STK3: variants seen among roughly 807,000 people sequenced by gnomAD.
STK3 encodes serine/threonine-protein kinase 3.
A neutral mutation model predicts 58.0 loss-of-function variants in STK3; 41 were observed. The ratio of observed to expected loss-of-function variants is 0.71; its 90% confidence interval spans 0.55 to 0.92. STK3 has a LOEUF of 0.92. Ranked by LOEUF, STK3 falls within the 40% of genes least tolerant of loss-of-function variation. The pLI, the probability that STK3 is intolerant of heterozygous loss-of-function variation, is 0.00. For synonymous variants in STK3, 170 were observed against 191.0 expected (o/e 0.89, Z 0.91); for missense variants, 479 against 602.7 (o/e 0.79, Z 2.15).
intron 1 of STK3, among the ~76,000 whole-genome samples, chr8:98,776,266 A>G (rs543026630): frequency 1.2e-4 from 19 of 152,134 alleles, no homozygotes; most frequent in Admixed American, 2.0e-4. Flanking sequence ...TTAGACTAAC[A>G]AAAAGGCATG....
intron 1 of STK3, among the ~76,000 whole-genome samples, chr8:98,809,601 G>A (rs1834095391): frequency 1.3e-5 from 2 of 152,126 alleles, no homozygotes; most frequent in African/African-American, 4.8e-5. Context: ...GTCCTTTTGT[G>A]TGTACTTTGC....
Position 98,858,904 on chromosome 8 carries a change from A to G in STK3, c.110+24743T>C, listed in dbSNP as rs534486465. Among the ~76,000 whole-genome samples, 22 of 151,992 alleles carry G rather than the reference A, an allele frequency of 1.4e-4. No individual in the cohort carries two copies. In the South Asian group the frequency reaches 4.1e-3, roughly 29 times the overall value. Reference sequence around the variant, plus strand: ...AGACAGCAAGACTCCATCTAAAAAAAAAAAAAAAAAAAGCAATCTCTGCAC... The same window carrying G: ...AGACAGCAAGACTCCATCTAAAAAAGAAAAAAAAAAAAGCAATCTCTGCAC... On this transcript the variant is annotated intron_variant, in intron 3 of 12. Transcript: ENST00000523601.
intron 1 of STK3, among the ~76,000 whole-genome samples, chr8:98,915,470 A>ATATATAT (rs1839314010): frequency 2.9e-5 from 4 of 136,162 alleles, no homozygotes; most frequent in Non-Finnish European, 6.2e-5. Context: ...ATATATATAT[A>ATATATAT]GTTCTGTCCT....
At chr8:98,744,518 T>C (rs1170024507) in intron 4 of STK3, among the ~76,000 whole-genome samples, 2 of 134,872 alleles carry the variant, frequency 1.5e-5, no homozygotes, top group Non-Finnish European at 3.1e-5. Flanking sequence ...CACTCATAGG[T>C]GGGAACTGAA....
At chr8:98,841,043 C>T (rs74631275) in intron 3 of STK3, among the ~76,000 whole-genome samples, 9 of 152,158 alleles carry the variant, frequency 5.9e-5, no homozygotes, top group Non-Finnish European at 1.0e-4. Context: ...GCCATGTGGC[C>T]GTCTCTAGAG....
At chr8:98,379,337 GA>G (rs1418915309) in intron 1 of STK3, 2 of 152,180 alleles carry the variant, frequency 1.3e-5, no homozygotes, top group Non-Finnish European at 2.9e-5. Context: ...AGCACTATTT[GA>G]CCTTTACAGA....
At chr8:98,413,569 A>G (rs570323406) in intron 3 of STK3, 1 of 663,748 alleles carries the variant, frequency 1.5e-6, no homozygotes, top group South Asian at 1.4e-5. Flanking sequence ...ACAGATGACA[A>G]CTTTGTGTCT....
chr8:98,404,863 A>G (rs576585167), intron 3 of STK3, among the ~76,000 whole-genome samples: 3 of 152,224 alleles, frequency 2.0e-5, no homozygotes, highest in Non-Finnish European at 4.4e-5. Context: ...AAATAAATCA[A>G]TAAAATAAAA....
intron 1 of STK3, among the ~76,000 whole-genome samples, chr8:98,795,312 A>G (rs1265308664): frequency 6.9e-6 from 1 of 143,952 alleles, no homozygotes; most frequent in Admixed American, 7.0e-5. Context: ...AAAAGCTTTC[A>G]ATAAAATCCA....
At chr8:98,376,573 T>C (rs775583966) in intron 2 of STK3, among the ~76,000 whole-genome samples, 63 of 152,376 alleles carry the variant, frequency 4.1e-4, no homozygotes, top group Non-Finnish European at 7.4e-5. Context: ...ATTTATGTTC[T>C]GAGTTAATTT....
intron 1 of STK3, among the ~76,000 whole-genome samples, chr8:98,927,789 A>C (rs941634270): frequency 6.6e-6 from 1 of 152,224 alleles, no homozygotes; most frequent in Non-Finnish European, 1.5e-5. Flanking sequence ...AGCTGGAACT[A>C]TAAGTGTCCA....
rs60066758 is a variant in STK3, at chr8:98,497,260, A to C, written c.1317+29482T>G. Among the ~76,000 whole-genome samples the C allele has an allele frequency of 8.3e-3, 1,260 of 152,264 alleles. 19 individuals carry two copies. The highest frequency in any genetic ancestry group is 0.029 in the African/African-American group (1,215 of 41,556). ...TGAATATTGACATGCAACAGAACAA[A>C]GTTACTTCTATCTAACACCATATAC... On this transcript the variant is annotated intron_variant, in intron 10 of 10. Transcript: ENST00000419617.
At chr8:98,347,366 T>A in the STK3 span, among the ~76,000 whole-genome samples, 1 of 151,390 alleles carries the variant, frequency 6.6e-6, no homozygotes, top group Non-Finnish European at 1.5e-5. Context: ...TACAAAAAAA[T>A]TAGCCGGGCG....
chr8:98,454,399 A>G (rs1192103908), downstream of STK3, among the ~76,000 whole-genome samples: 1 of 152,080 alleles, frequency 6.6e-6, no homozygotes, highest in African/African-American at 2.4e-5. Flanking sequence ...GATATCTCAG[A>G]TGGTTGAGGC....
At chr8:98,821,928 G>A (rs1834927843) in intron 1 of STK3, among the ~76,000 whole-genome samples, 1 of 152,164 alleles carries the variant, frequency 6.6e-6, no homozygotes, top group South Asian at 2.1e-4. Flanking sequence ...CCAACTCCCA[G>A]AGGAGAAGAA....
rs191179097 is a variant in STK3, at chr8:98,623,195, G to A, written c.685-27026C>T. Among the ~76,000 whole-genome samples, 302 of 151,104 alleles carry A rather than the reference G, an allele frequency of 2.0e-3. 1 individual carries two copies. Among genetic ancestry groups the A allele is most frequent in the Non-Finnish European group, 5.2e-4 (35 of 67,728 alleles). On this transcript the variant is annotated intron_variant, in intron 6 of 10. Transcript: ENST00000419617. ...GATGAGAAGGAGGAGAAAAAGAAAC[G>A]AAGAAAAAATAAAGGGAAGGAAGAA...
intron 3 of STK3, among the ~76,000 whole-genome samples, chr8:98,845,394 G>T (rs1230027410): frequency 6.6e-6 from 1 of 152,134 alleles, no homozygotes; most frequent in African/African-American, 2.4e-5. Flanking sequence ...AAACTTTTCA[G>T]ACAGAACACA....
At chr8:98,523,663 C>A (rs935116927) in intron 10 of STK3, among the ~76,000 whole-genome samples, 1 of 152,028 alleles carries the variant, frequency 6.6e-6, no homozygotes, top group African/African-American at 2.4e-5. Context: ...GCATGAGCCA[C>A]CATGCCCAGC....
At chr8:98,524,245 T>C (rs1825589209) in intron 10 of STK3, among the ~76,000 whole-genome samples, 1 of 152,228 alleles carries the variant, frequency 6.6e-6, no homozygotes, top group Admixed American at 6.5e-5. Context: ...ACTGTTTTGA[T>C]TTCAGTAGCT....
Sources: gnomAD v4.1 joint callset for allele counts (sites outside exome capture counted in the v4.1 genomes callset) on GRCh38, gnomAD v4.1.1 for gene constraint, MANE v1.5 for transcripts, NCBI Gene and HGNC (gene_info 2026-07-23, HGNC 2026-07-21) for gene names.